The following SLC8A1 variants were observed in gnomAD, a reference collection of about 807,000 sequenced individuals.
The protein encoded by SLC8A1 is solute carrier family 8 member A1.
Under a neutral mutation model 68.3 loss-of-function variants are expected in SLC8A1, and 18 were observed. The ratio of observed to expected loss-of-function variants is 0.26; its 90% confidence interval spans 0.18 to 0.39. The LOEUF is 0.39. SLC8A1 is among the 10% of genes least tolerant of loss of function. The probability of loss-of-function intolerance (pLI) is 1.00; values close to 1 mark genes in which losing one functional copy is unlikely to be tolerated. For synonymous variants in SLC8A1, 475 were observed against 415.5 expected, an observed-to-expected ratio of 1.14 and a Z score of -1.74; for missense variants, 985 against 1,156.7, an observed-to-expected ratio of 0.85 and a Z score of 2.15.
At chr2:40,198,089 G>C (rs1393872114) in intron 2 of SLC8A1, among the ~76,000 whole-genome samples, 2 of 151,982 alleles carry the variant, frequency 1.3e-5, no homozygotes, top group African/African-American at 4.8e-5. Context: ...CAAACTTCTA[G>C]AAGGACTTGC....
intron 2 of SLC8A1, among the ~76,000 whole-genome samples, chr2:40,222,667 A>C (rs536795731): frequency 1.3e-5 from 2 of 152,344 alleles, no homozygotes; most frequent in South Asian, 2.1e-4. Flanking sequence ...AACTTTAACA[A>C]ATTTACAAGA....
At chr2:40,313,416 G>T (rs1259038699) in intron 2 of SLC8A1, among the ~76,000 whole-genome samples, 2 of 151,962 alleles carry the variant, frequency 1.3e-5, no homozygotes, top group Admixed American at 6.6e-5. Flanking sequence ...TTTCTGTTGG[G>T]TAGATACCAA....
At chr2:40,469,379 C>T (rs550164393) in intron 1 of SLC8A1, among the ~76,000 whole-genome samples, 3 of 152,060 alleles carry the variant, frequency 2.0e-5, no homozygotes, top group Non-Finnish European at 4.4e-5. Context: ...TCTCCCATGC[C>T]ACCATGTGAA....
chr2:40,331,843 T>C (rs2076445985), intron 2 of SLC8A1, among the ~76,000 whole-genome samples: 1 of 152,156 alleles, frequency 6.6e-6, no homozygotes, highest in Admixed American at 6.5e-5. Flanking sequence ...TCCATCAGCC[T>C]TGGCCTCCCA....
chr2:40,414,166 G>A (rs930183569), intron 2 of SLC8A1, among the ~76,000 whole-genome samples: 1 of 152,096 alleles, frequency 6.6e-6, no homozygotes, highest in Non-Finnish European at 1.5e-5. Flanking sequence ...TCATTACAGA[G>A]CTAATGAGTG....
chr2:40,356,326 C>T (rs1672649471), intron 2 of SLC8A1, among the ~76,000 whole-genome samples: 1 of 152,178 alleles, frequency 6.6e-6, no homozygotes, highest in Non-Finnish European at 1.5e-5. Context: ...TTATGACTGA[C>T]TGACTGACTG....
chr2:40,106,016 T>G (rs1485916422), exon 8 of SLC8A1: 1 of 152,220 alleles, frequency 6.6e-6, no homozygotes, highest in East Asian at 1.9e-4. Context: ...ATCCCATGTC[T>G]CAATAATTAA....
chr2:40,308,267 T>C (rs1188868101), intron 2 of SLC8A1, among the ~76,000 whole-genome samples: 1 of 152,198 alleles, frequency 6.6e-6, no homozygotes, highest in African/African-American at 2.4e-5. Flanking sequence ...ATTGGAGTGA[T>C]ATAAACTTAA....
At chr2:40,157,728 T>C (rs1251039455) in intron 6 of SLC8A1, among the ~76,000 whole-genome samples, 1 of 152,210 alleles carries the variant, frequency 6.6e-6, no homozygotes, top group African/African-American at 2.4e-5. Context: ...CTCGTGGTAC[T>C]GGACTTGCCT....
At chr2:40,362,434 C>T (rs1166314572) in intron 2 of SLC8A1, among the ~76,000 whole-genome samples, 2 of 152,022 alleles carry the variant, frequency 1.3e-5, no homozygotes, top group Non-Finnish European at 2.9e-5. Flanking sequence ...AGACAAATTA[C>T]CAACTACCAA....
intron 2 of SLC8A1, among the ~76,000 whole-genome samples, chr2:40,334,583 G>A (rs932115109): frequency 2.6e-5 from 4 of 152,168 alleles, no homozygotes; most frequent in Non-Finnish European, 4.4e-5. Context: ...GGAGAAGGAA[G>A]AAGGGTATGT....
At chr2:40,476,265 C>G (rs1293641670) in intron 1 of SLC8A1, among the ~76,000 whole-genome samples, 1 of 152,152 alleles carries the variant, frequency 6.6e-6, no homozygotes, top group African/African-American at 2.4e-5. Flanking sequence ...AGGACTAAAG[C>G]AATGCTGTTT....
At chr2:40,447,551 C>T (rs1435931520) in intron 1 of SLC8A1, among the ~76,000 whole-genome samples, 1 of 145,568 alleles carries the variant, frequency 6.9e-6, no homozygotes, top group Non-Finnish European at 1.5e-5. Flanking sequence ...GCCCCCAGGA[C>T]TTTGTCTGCC....
At chr2:40,232,115 A>G (rs139815179) in intron 2 of SLC8A1, among the ~76,000 whole-genome samples, 122 of 152,246 alleles carry the variant, frequency 8.0e-4, no homozygotes, top group African/African-American at 2.8e-3. Flanking sequence ...GAGGTGGTAG[A>G]TCACTGAAGG....
intron 2 of SLC8A1, among the ~76,000 whole-genome samples, chr2:40,400,856 G>A (rs927575393): frequency 6.6e-6 from 1 of 152,162 alleles, no homozygotes; most frequent in African/African-American, 2.4e-5. Context: ...TGCCCAGAGA[G>A]CCAGTTCTCC....
At chr2:40,455,043 C>T (rs2149887239), upstream of SLC8A1, among the ~76,000 whole-genome samples, 1 of 152,310 alleles carries the variant, frequency 6.6e-6, no homozygotes, top group Middle Eastern at 3.4e-3. Context: ...ACCGGGTCTC[C>T]ACTGTTATCT....
intron 2 of SLC8A1, among the ~76,000 whole-genome samples, chr2:40,381,369 T>C (rs373109276): frequency 6.6e-6 from 1 of 152,082 alleles, no homozygotes; most frequent in African/African-American, 2.4e-5. Context: ...TTAAAGTAAG[T>C]ATAACAAGAT....
intron 4 of SLC8A1, among the ~76,000 whole-genome samples, chr2:40,166,276 G>C (rs1295452997): frequency 6.6e-6 from 1 of 152,170 alleles, no homozygotes; most frequent in African/African-American, 2.4e-5. Flanking sequence ...GCTGCTCGTT[G>C]TGAGGGCAGG....
chr2:40,150,079 G>A (rs1436494663), intron 6 of SLC8A1, among the ~76,000 whole-genome samples: 1 of 149,890 alleles, frequency 6.7e-6, no homozygotes, highest in Non-Finnish European at 1.5e-5. Context: ...AAAGGCAAGG[G>A]GAGGTTAGAA....
Sources: allele counts gnomAD v4.1 joint callset (sites outside exome capture counted in the v4.1 genomes callset), GRCh38; gene constraint gnomAD v4.1.1; transcripts MANE v1.5; gene names NCBI Gene and HGNC (gene_info 2026-07-23, HGNC 2026-07-21).